POLR2F: variants seen among roughly 807,000 people sequenced by gnomAD.
POLR2F encodes DNA-directed RNA polymerases I, II, and III subunit RPABC2.
A neutral mutation model predicts 22.7 loss-of-function variants in POLR2F; 12 were observed. The observed-to-expected ratio is 0.53, with a 90% CI of 0.34 to 0.86. The LOEUF is 0.86. POLR2F is among the 40% of genes least tolerant of loss of function. POLR2F has a pLI of 0.02. For missense variants in POLR2F, 126 were observed against 171.5 expected (o/e 0.73, Z 1.48); for synonymous variants, 57 against 66.0 (o/e 0.86, Z 0.66).
downstream of POLR2F, among the ~76,000 whole-genome samples, chr22:38,030,102 G>A (rs1276252332): frequency 1.3e-5 from 2 of 152,212 alleles, no homozygotes; most frequent in African/African-American, 2.4e-5. Context: ...AGATGCAGCT[G>A]GGAAGATTGC....
chr22:38,003,110 G>T (rs1160503135), intron 1 of POLR2F, among the ~76,000 whole-genome samples: 1 of 152,146 alleles, frequency 6.6e-6, no homozygotes, highest in African/African-American at 2.4e-5. Context: ...AGAAAGGCGA[G>T]ATACTTGGCA....
intron 1 of POLR2F, among the ~76,000 whole-genome samples, chr22:38,000,321 G>A (rs2084757721): frequency 6.6e-6 from 1 of 152,208 alleles, no homozygotes; most frequent in African/African-American, 2.4e-5. Flanking sequence ...GGGCCTTTCT[G>A]GGGCACTGTG....
chr22:37,992,429 C>G (rs1466172846), intron 1 of POLR2F, among the ~76,000 whole-genome samples: 1 of 151,450 alleles, frequency 6.6e-6, no homozygotes, highest in Non-Finnish European at 1.5e-5. Context: ...CTCTTTCACT[C>G]TGTTGCCTAG....
intron 1 of POLR2F, among the ~76,000 whole-genome samples, chr22:38,025,387 C>T (rs1269022614): frequency 6.6e-6 from 1 of 152,130 alleles, no homozygotes; most frequent in Non-Finnish European, 1.5e-5. Flanking sequence ...CATACACAAT[C>T]ACAATACACA....
rs772991072 is a variant in POLR2F, at chr22:38,010,022, T to C, written c.121-15847T>C. On this transcript the variant is annotated intron_variant, in intron 1 of 2. Coordinates refer to the POLR2F transcript ENST00000333418. ...TGTGGACATATGCTTTCATTTCTTG[T>C]AGATAAATAGCCATGAGTGGAATGT... Among the ~76,000 whole-genome samples, 8 of 152,208 alleles carry C rather than the reference T, an allele frequency of 5.3e-5. No homozygotes were observed. In the South Asian group the frequency reaches 1.0e-3, roughly 20 times the overall value.
chr22:37,959,570 ACT>A, intron 3 of POLR2F, 94 bp downstream of exon 3: 2 of 1,398,386 alleles, frequency 1.4e-6, no homozygotes, highest in Admixed American at 1.9e-5. Flanking sequence ...CTGAAAACAG[ACT>A]CTCTGCTCTC....
At chr22:37,982,840 A>T (rs931154457), upstream of POLR2F, among the ~76,000 whole-genome samples, 3 of 152,086 alleles carry the variant, frequency 2.0e-5, no homozygotes, top group Non-Finnish European at 4.4e-5. Flanking sequence ...GCAGCAGCAG[A>T]TTTGTCCCGC....
intron 1 of POLR2F, among the ~76,000 whole-genome samples, chr22:37,991,392 T>C (rs1274865254): frequency 6.6e-6 from 1 of 152,216 alleles, no homozygotes; most frequent in East Asian, 1.9e-4. Context: ...GTGCTGGGAT[T>C]ACAGGTGTGA....
chr22:37,965,559 A>G (rs1931822441), intron 3 of POLR2F, among the ~76,000 whole-genome samples: 1 of 152,246 alleles, frequency 6.6e-6, no homozygotes, highest in South Asian at 2.1e-4. Flanking sequence ...GCACATGCAG[A>G]TCAGGTATTT....
At position 38,016,598 on chromosome 22, in the gene POLR2F, G is replaced by A. The variant is rs924346182; in HGVS notation, c.121-9271G>A. ...AGCAGCTGCGCGCGACGTTGACATTGTTCCCACCATTCTAAGTGCAACAAA... is the reference window on the plus strand; with the variant it reads ...AGCAGCTGCGCGCGACGTTGACATTATTCCCACCATTCTAAGTGCAACAAA... On this transcript the variant is annotated intron_variant, in intron 1 of 2. Transcript: ENST00000333418. The surrounding 1 kb of genome is among the most constrained non-coding windows in gnomAD (Gnocchi z 4.4). 2.6e-5 allele frequency among the ~76,000 whole-genome samples: 4 copies of A among 152,310 alleles called. No individual in the cohort carries two copies. Among genetic ancestry groups the A allele is most frequent in the African/African-American group, 9.6e-5 (4 of 41,578 alleles).
chr22:37,995,194 T>C (rs995672940), intron 1 of POLR2F, among the ~76,000 whole-genome samples: 1 of 152,212 alleles, frequency 6.6e-6, no homozygotes, highest in Non-Finnish European at 1.5e-5. Context: ...TGTCAGGGGC[T>C]TTAGGGCTCT....
At chr22:38,004,749 A>G (rs1218089922) in intron 1 of POLR2F, among the ~76,000 whole-genome samples, 1 of 152,208 alleles carries the variant, frequency 6.6e-6, no homozygotes, top group Non-Finnish European at 1.5e-5. Flanking sequence ...GCTCGACACC[A>G]GTCTGGCCAA....
intron 1 of POLR2F, among the ~76,000 whole-genome samples, chr22:38,020,206 TACACACACACACAC>T (rs112285508): frequency 6.9e-6 from 1 of 144,804 alleles, no homozygotes; most frequent in African/African-American, 2.6e-5. Flanking sequence ...CACACATATA[TACACACACACACAC>T]ACACACACAC....
intron 1 of POLR2F, chr22:37,987,572 A>G (rs1461731470): frequency 2.9e-6 from 1 of 340,622 alleles, no homozygotes; most frequent in African/African-American, 2.1e-5. Flanking sequence ...ACTGAGATGA[A>G]GGTCAGGAAA....
At chr22:38,024,214 T>C (rs1186041798) in intron 1 of POLR2F, among the ~76,000 whole-genome samples, 2 of 152,160 alleles carry the variant, frequency 1.3e-5, no homozygotes, top group African/African-American at 4.8e-5. Context: ...TTCTTTTATT[T>C]CTAGTTTATT....
At chr22:38,037,611 G>A (rs1443087226) in intron 5 of POLR2F, among the ~76,000 whole-genome samples, 2 of 115,772 alleles carry the variant, frequency 1.7e-5, no homozygotes, top group Non-Finnish European at 3.5e-5. Flanking sequence ...TTTTTTTTTT[G>A]AGACGGAGTC....
At chr22:37,985,660 C>T (rs1932548433), upstream of POLR2F, among the ~76,000 whole-genome samples, 1 of 152,182 alleles carries the variant, frequency 6.6e-6, no homozygotes, top group South Asian at 2.1e-4. Flanking sequence ...CCCAAGACCA[C>T]CCCAAGGGGT....
At chr22:37,982,627 A>G (rs1932434868), upstream of POLR2F, among the ~76,000 whole-genome samples, 1 of 151,936 alleles carries the variant, frequency 6.6e-6, no homozygotes, top group African/African-American at 2.4e-5. Context: ...AGGTTGCTCA[A>G]CGTTGGGGTG....
At chr22:37,966,983 C>T in intron 3 of POLR2F, 116 bp from the exon 4 acceptor site, 2 of 704,032 alleles carry the variant, frequency 2.8e-6, no homozygotes, top group Non-Finnish European at 4.8e-6. Flanking sequence ...CTGTGCCTGC[C>T]TACCTAGAAG....
Sources: gnomAD v4.1 joint callset for allele counts (sites outside exome capture counted in the v4.1 genomes callset) on GRCh38, gnomAD v4.1.1 for gene constraint, Gnocchi (gnomAD v3.1) non-coding constraint, MANE v1.5 for transcripts, NCBI Gene and HGNC (gene_info 2026-07-23, HGNC 2026-07-21) for gene names.